PROCR: variants seen among roughly 807,000 people sequenced by gnomAD.
PROCR encodes protein C receptor.
PROCR carries 22 observed loss-of-function variants against 24.2 expected under a neutral mutation model. The ratio of observed to expected loss-of-function variants is 0.91; its 90% CI spans 0.65 to 1.30. The LOEUF (loss-of-function observed/expected upper bound fraction) is 1.30. Ranked by LOEUF, PROCR falls within the 50% of genes most tolerant of loss-of-function variation. The probability of loss-of-function intolerance (pLI) is 0.00; values close to 1 mark genes in which losing one functional copy is unlikely to be tolerated. For missense variants in PROCR, 288 were observed against 307.7 expected, an observed-to-expected ratio of 0.94 and a Z score of 0.48; for synonymous variants, 137 against 139.2, an observed-to-expected ratio of 0.98 and a Z score of 0.11.
chr20:35,206,108 A>G (rs1299911339), intron 1 of PROCR, among the ~76,000 whole-genome samples: 1 of 151,506 alleles, frequency 6.6e-6, no homozygotes, highest in Non-Finnish European at 1.5e-5. Flanking sequence ...TCTGACCTCA[A>G]GTGATCCTCC....
At chr20:35,180,019 G>A (rs2086063099), downstream of PROCR, among the ~76,000 whole-genome samples, 1 of 152,092 alleles carries the variant, frequency 6.6e-6, no homozygotes, top group South Asian at 2.1e-4. Flanking sequence ...GCCGAGGTGG[G>A]GGGATCACCT....
In PROCR at chr20:35,176,280, G is replaced by A. The variant is rs756062179; in HGVS notation, c.435G>A (p.Pro145=). Residue 145 remains proline (P), a synonymous_variant, in exon 3 of 4, where the codon CCG becomes CCA. Transcript: ENST00000216968. ...VNGSSFVSFR[P]ERALWQADTQ... is the part of the protein sequence containing the mutation. ...GGAGCTCCTTTGTGAGTTTCCGGCC[G>A]GAGAGAGCCTTGTGGCAGGCAGACA... The A allele has an allele frequency of 7.4e-6, 12 of 1,614,206 alleles. No individual in the cohort carries two copies. Among genetic ancestry groups the A allele is most frequent in the Admixed American group, 1.7e-5 (1 of 60,020 alleles).
chr20:35,207,167 T>G (rs536270481), intron 1 of PROCR, among the ~76,000 whole-genome samples: 3 of 152,200 alleles, frequency 2.0e-5, no homozygotes, highest in African/African-American at 7.2e-5. Flanking sequence ...AACATATCAG[T>G]GTTGCCAGGG....
downstream of PROCR, among the ~76,000 whole-genome samples, chr20:35,178,866 G>T (rs1283403585): frequency 1.3e-5 from 2 of 150,538 alleles, no homozygotes; most frequent in African/African-American, 4.9e-5. Flanking sequence ...TATACCAAAG[G>T]GTCTAAGAAA....
chr20:35,177,705 T>C (rs116881712), downstream of PROCR, among the ~76,000 whole-genome samples: 69 of 152,100 alleles, frequency 4.5e-4, no homozygotes, highest in East Asian at 0.012. Context: ...GTGCTGGGAT[T>C]AGACGTGAGC....
At chr20:35,180,859 T>G (rs2086071908), downstream of PROCR, among the ~76,000 whole-genome samples, 1 of 144,528 alleles carries the variant, frequency 6.9e-6, no homozygotes, top group Non-Finnish European at 1.5e-5. Context: ...TTGTTTTTTG[T>G]TTTTTGTTTT....
chr20:35,175,617 C>T (rs1307617864), intron 2 of PROCR, among the ~76,000 whole-genome samples: 1 of 104,098 alleles, frequency 9.6e-6, no homozygotes, highest in Non-Finnish European at 1.7e-5. Context: ...CGGAGTCTTG[C>T]TCTGTCGTCC....
intron 1 of PROCR, among the ~76,000 whole-genome samples, chr20:35,203,788 G>A (rs1183996685): frequency 6.6e-6 from 1 of 151,970 alleles, no homozygotes; most frequent in Non-Finnish European, 1.5e-5. Flanking sequence ...TGCAGCTAAT[G>A]CAGCGTGTAC....
chr20:35,210,784 C>T (rs2060360174), intron 1 of PROCR, among the ~76,000 whole-genome samples: 1 of 147,540 alleles, frequency 6.8e-6, no homozygotes, highest in Admixed American at 6.8e-5. Context: ...GTGATCTCGG[C>T]TCACTGCAAC....
At position 35,205,849 on chromosome 20, in the gene PROCR, G is replaced by A. The variant is rs2060339585; in HGVS notation, c.95-10044G>A. On this transcript the variant is annotated intron_variant, in intron 1 of 1. Transcript: ENST00000634509. ...TATATCTACATATACATATATACAT[G>A]TATACATATACATATGTATACATGT... Among the ~76,000 whole-genome samples, 3 of 127,298 alleles carry A rather than the reference G, an allele frequency of 2.4e-5. 1 individual carries two copies. The highest frequency in any genetic ancestry group is 6.3e-5 in the African/African-American group (2 of 31,506). 83.5% of individuals were successfully genotyped at this position (127,298 alleles called of 152,430 possible). A position where few individuals can be genotyped will look rare whatever the true frequency, so the allele number is the denominator to read the frequency against.
intron 1 of PROCR, among the ~76,000 whole-genome samples, chr20:35,199,540 G>C (rs887636449): frequency 6.6e-6 from 1 of 152,096 alleles, no homozygotes; most frequent in Non-Finnish European, 1.5e-5. Context: ...CACAGGGTCG[G>C]GAGTTCAAGA....
At chr20:35,199,318 A>G (rs2060310287) in intron 1 of PROCR, among the ~76,000 whole-genome samples, 2 of 152,028 alleles carry the variant, frequency 1.3e-5, no homozygotes, top group African/African-American at 4.8e-5. Flanking sequence ...AAATATTACT[A>G]CTCATTGGCA....
intron 1 of PROCR, among the ~76,000 whole-genome samples, chr20:35,199,540 G>A (rs887636449): frequency 2.0e-5 from 3 of 152,096 alleles, no homozygotes; most frequent in African/African-American, 7.2e-5. Flanking sequence ...CACAGGGTCG[G>A]GAGTTCAAGA....
Position 35,192,888 on chromosome 20 carries a change from A to C in PROCR, c.94+16442A>C, listed in dbSNP as rs558685412. ...ACTAAAAAGTACCCAAACACCATCAAGAATAGAATAATGAAACAAATTATA... is the reference window on the plus strand; with the variant it reads ...ACTAAAAAGTACCCAAACACCATCACGAATAGAATAATGAAACAAATTATA... On this transcript the variant is annotated intron_variant, in intron 1 of 1. Transcript: ENST00000634509. Among the ~76,000 whole-genome samples, 3 of 152,334 alleles carry C rather than the reference A, an allele frequency of 2.0e-5. No homozygotes were observed. The East Asian group carries it at 5.8e-4, about 29-fold the overall frequency.
downstream of PROCR, among the ~76,000 whole-genome samples, chr20:35,179,408 T>C (rs1009024301): frequency 6.6e-6 from 1 of 151,458 alleles, no homozygotes; most frequent in African/African-American, 2.4e-5. Context: ...TAGCTGGGCA[T>C]GGTGGTGTGG....
intron 1 of PROCR, among the ~76,000 whole-genome samples, chr20:35,185,404 G>T (rs564240188): frequency 6.6e-6 from 1 of 152,160 alleles, no homozygotes; most frequent in Non-Finnish European, 1.5e-5. Context: ...CCGAGGAAAA[G>T]AAGTCATTAT....
chr20:35,206,370 G>C (rs1283072400), intron 1 of PROCR, among the ~76,000 whole-genome samples: 2 of 149,846 alleles, frequency 1.3e-5, no homozygotes, highest in African/African-American at 4.9e-5. Flanking sequence ...AGCTACTCAG[G>C]AGAATGAGGC....
chr20:35,211,260 T>C (rs2060361925), intron 1 of PROCR, among the ~76,000 whole-genome samples: 1 of 152,228 alleles, frequency 6.6e-6, no homozygotes, highest in Non-Finnish European at 1.5e-5. Context: ...TCCTGGAACC[T>C]GGCACTGATT....
chr20:35,180,682 GTCTC>G (rs1408244849), downstream of PROCR, among the ~76,000 whole-genome samples: 3 of 152,174 alleles, frequency 2.0e-5, no homozygotes, highest in South Asian at 2.1e-4. Context: ...GTGTGTGTGT[GTCTC>G]TCTCTCTTTC....
Sources: allele counts gnomAD v4.1 joint callset (sites outside exome capture counted in the v4.1 genomes callset), GRCh38; gene constraint gnomAD v4.1.1; transcripts MANE v1.5; gene names NCBI Gene and HGNC (gene_info 2026-07-23, HGNC 2026-07-21).